The following GSTO2 variants were observed in gnomAD, a reference collection of about 807,000 sequenced individuals.
The protein encoded by GSTO2 is glutathione S-transferase omega 2, also known as glutathione S-transferase omega-2.
Under a neutral mutation model 28.4 loss-of-function variants are expected in GSTO2, and 23 were observed. That is an observed-to-expected ratio of 0.81 (90% CI 0.58 to 1.15). The LOEUF is 1.15. GSTO2 is among the 50% of genes most tolerant of loss of function. The pLI is 0.00. For synonymous variants in GSTO2, 109 were observed against 111.0 expected (o/e 0.98, Z 0.11); for missense variants, 298 against 297.8 (o/e 1.00, Z 0.00).
chr10:104,303,998 A>T lies in GSTO2; in HGVS notation c.*4714A>T, dbSNP rs1352434049. Reference sequence around the variant, plus strand: ...TACCCATGTTTCCTTTGTCAGAGTCATTGGCCTTGATGGAGGGGAGACTGG... The same window carrying T: ...TACCCATGTTTCCTTTGTCAGAGTCTTTGGCCTTGATGGAGGGGAGACTGG... On this transcript the variant is annotated 3_prime_UTR_variant, in exon 7 of 7. Transcript: ENST00000338595. 6.6e-6 allele frequency: 1 copy of T among 152,208 alleles called. No individual in the cohort carries two copies. Among genetic ancestry groups the T allele is most frequent in the Non-Finnish European group, 1.5e-5 (1 of 68,052 alleles). 9.4% of individuals were successfully genotyped at this position (152,208 alleles called of 1,614,324 possible).
intron 5 of GSTO2, chr10:104,295,852 CCA>C (rs1469335678): frequency 2.0e-5 from 3 of 152,386 alleles, no homozygotes; most frequent in African/African-American, 7.2e-5. Context: ...GGACCCTAAT[CCA>C]CAGTTTGATT....
intron 1 of GSTO2, among the ~76,000 whole-genome samples, chr10:104,272,509 C>G (rs982162131): frequency 7.0e-6 from 1 of 143,874 alleles, no homozygotes; most frequent in African/African-American, 2.5e-5. Flanking sequence ...CTTTCACTTA[C>G]TAGTTGAGAA....
intron 5 of GSTO2, among the ~76,000 whole-genome samples, chr10:104,286,586 G>A (rs1184902427): frequency 6.6e-6 from 1 of 152,130 alleles, no homozygotes; most frequent in African/African-American, 2.4e-5. Flanking sequence ...AGCTGATTTA[G>A]CATGTTTACT....
chr10:104,277,801 C>T (rs2011728665), intron 3 of GSTO2, 93 bp from the exon 4 acceptor site: 7 of 817,110 alleles, frequency 8.6e-6, no homozygotes, highest in Admixed American at 4.6e-5. Flanking sequence ...CAAATTTTAA[C>T]TTTTAAACTG....
Position 104,303,797 on chromosome 10 carries a change from ACT to A in GSTO2, c.*4516_*4517del, listed in dbSNP as rs930541075. On this transcript the variant is annotated 3_prime_UTR_variant, in exon 7 of 7. Transcript: ENST00000338595. ...CTCAGAGGCCTAGGAGGACAGAATG[ACT>A]CTGAGTATTAAAGTAGATTTAATCT... 5 of 152,164 alleles carry A rather than the reference ACT, an allele frequency of 3.3e-5. No individual in the cohort carries two copies. In the South Asian group the frequency reaches 8.3e-4, roughly 25 times the overall value. 9.4% of individuals were successfully genotyped at this position (152,164 alleles called of 1,614,324 possible).
At chr10:104,288,457 A>G (rs1235500823) in intron 5 of GSTO2, 1 of 152,264 alleles carries the variant, frequency 6.6e-6, no homozygotes, top group East Asian at 1.9e-4. Context: ...ATTGCTTCCC[A>G]AAAGACTTGT....
chr10:104,281,252 G>A (rs576650811), intron 5 of GSTO2, among the ~76,000 whole-genome samples: 2 of 152,230 alleles, frequency 1.3e-5, no homozygotes, highest in African/African-American at 2.4e-5. Flanking sequence ...ATGGCATTTG[G>A]GGAGAGAGGA....
In GSTO2 at chr10:104,278,013, T is replaced by C. The variant is rs774638750; in HGVS notation, c.263T>C (p.Ile88Thr). The C allele has an allele frequency of 3.7e-6, 6 of 1,614,054 alleles. No individual in the cohort carries two copies. In the East Asian group the frequency reaches 8.9e-5, roughly 24 times the overall value. Reference sequence around the variant, plus strand: ...TGTCAACTGATCTATGAATCTGTTATTGCTTGTGAGTACCTGGATGATGCT... The same window carrying C: ...TGTCAACTGATCTATGAATCTGTTACTGCTTGTGAGTACCTGGATGATGCT... ...SQCQLIYESV[I>T]ACEYLDDAYP... The change falls in exon 4 of 7, where the codon ATT (isoleucine) becomes ACT (threonine). Residue 88 changes from isoleucine (I) to threonine (T), a missense_variant. By Grantham distance (89) the Ile-to-Thr change is moderately conservative. Coordinates refer to ENST00000338595, the MANE Select transcript of GSTO2 (RefSeq NM_183239.2).
intron 5 of GSTO2, among the ~76,000 whole-genome samples, chr10:104,280,510 A>C (rs1319198437): frequency 6.6e-6 from 1 of 152,200 alleles, no homozygotes; most frequent in Non-Finnish European, 1.5e-5. Flanking sequence ...ATCTTAGAGA[A>C]AGCTGGGAAA....
At chr10:104,270,254 C>T (rs2011328598) in intron 1 of GSTO2, among the ~76,000 whole-genome samples, 2 of 151,648 alleles carry the variant, frequency 1.3e-5, no homozygotes, top group Non-Finnish European at 2.9e-5. Flanking sequence ...ACCTCGTGAT[C>T]CGCCCGCCTC....
intron 1 of GSTO2, among the ~76,000 whole-genome samples, chr10:104,274,378 C>A (rs1589855302): frequency 2.0e-5 from 3 of 152,174 alleles, no homozygotes; most frequent in African/African-American, 7.2e-5. Context: ...GAGATTTCAA[C>A]ACCAATGACT....
At position 104,274,856 on chromosome 10, in the gene GSTO2, G is replaced by T; in HGVS notation, c.-60G>T. On this transcript the variant is annotated 5_prime_UTR_variant, in exon 2 of 7. Coordinates refer to ENST00000338595, the MANE Select transcript of GSTO2 (RefSeq NM_183239.2). ...GCTGTTTCTGGAGCCTGCGGCAGCG[G>T]TGGCGAGCCACAGGGCGGCGACCGT... The T allele has an allele frequency of 6.3e-7, 1 of 1,576,374 alleles. No individual in the cohort carries two copies. The highest frequency in any genetic ancestry group is 8.6e-7 in the Non-Finnish European group (1 of 1,159,428).
At chr10:104,281,560 G>A (rs947558501) in intron 5 of GSTO2, among the ~76,000 whole-genome samples, 2 of 152,114 alleles carry the variant, frequency 1.3e-5, no homozygotes, top group African/African-American at 4.8e-5. Context: ...TTCTTCAGTC[G>A]GGGGTCTTTT....
intron 5 of GSTO2, among the ~76,000 whole-genome samples, chr10:104,281,258 G>A (rs889412225): frequency 2.0e-5 from 3 of 152,072 alleles, no homozygotes; most frequent in Non-Finnish European, 1.5e-5. Flanking sequence ...TTTGGGGAGA[G>A]AGGAGAGCTG....
intron 5 of GSTO2, among the ~76,000 whole-genome samples, chr10:104,280,031 C>T (rs1201246953): frequency 6.6e-6 from 1 of 151,682 alleles, no homozygotes; most frequent in Admixed American, 6.6e-5. Context: ...CCAGGCATAA[C>T]GATGTATACC....
At chr10:104,280,022 C>T (rs6584592) in intron 5 of GSTO2, among the ~76,000 whole-genome samples, 53,724 of 151,590 alleles carry the variant, frequency 0.35, 9,776 homozygotes, top group African/African-American at 0.42. Flanking sequence ...AAAAATTAGC[C>T]AGGCATAACG....
rs1189186762 is a variant in GSTO2, at chr10:104,289,684, T to C, written c.469-7894T>C. On this transcript the variant is annotated intron_variant, in intron 5 of 6. Transcript: ENST00000338595. ...ATCACATGGTTAGCTCAGCCTCAGC[T>C]ATATCATTTTAGCAGGGATCTGAGA... Among the ~76,000 whole-genome samples, 3 of 152,224 alleles carry C rather than the reference T, an allele frequency of 2.0e-5. No homozygotes were observed. The East Asian group carries it at 5.8e-4, about 29-fold the overall frequency.
chr10:104,280,467 C>T (rs776022317), intron 5 of GSTO2, among the ~76,000 whole-genome samples: 3 of 152,198 alleles, frequency 2.0e-5, no homozygotes, highest in South Asian at 2.1e-4. Context: ...ATTTACATTT[C>T]GTTGGCCAGA....
chr10:104,287,509 C>T (rs551577791), intron 5 of GSTO2, among the ~76,000 whole-genome samples: 26 of 152,256 alleles, frequency 1.7e-4, no homozygotes, highest in East Asian at 7.7e-4. Flanking sequence ...TTCTGTGGAA[C>T]GGCTGAAAAT....
Sources: gnomAD v4.1 joint callset for allele counts (sites outside exome capture counted in the v4.1 genomes callset) on GRCh38, gnomAD v4.1.1 for gene constraint, MANE v1.5 for transcripts, NCBI Gene and HGNC (gene_info 2026-07-23, HGNC 2026-07-21) for gene names.